TENT4B: variants seen among roughly 807,000 people sequenced by gnomAD.
The protein encoded by TENT4B is PAP associated domain containing 5.
TENT4B carries 10 observed loss-of-function variants against 75.0 expected under a neutral mutation model. The ratio of observed to expected loss-of-function variants is 0.13; its 90% CI spans 0.08 to 0.23. The LOEUF is 0.23. Among genes scored for constraint, TENT4B ranks in the 10% least tolerant of loss-of-function variants. The pLI is 1.00. For synonymous variants in TENT4B, 350 were observed against 357.7 expected (o/e 0.98, Z 0.24); for missense variants, 579 against 893.8 (o/e 0.65, Z 4.49).
intron 2 of TENT4B, among the ~76,000 whole-genome samples, chr16:50,212,654 C>G (rs1195552651): frequency 6.6e-6 from 1 of 152,056 alleles, no homozygotes; most frequent in Non-Finnish European, 1.5e-5. Flanking sequence ...GAGCAATGAC[C>G]ATACATCGCA....
intron 1 of TENT4B, among the ~76,000 whole-genome samples, chr16:50,187,000 A>G (rs567493280): frequency 4.6e-5 from 7 of 152,160 alleles, no homozygotes; most frequent in East Asian, 1.9e-4. Context: ...GCTTCAAGCA[A>G]TCCTCCTACC....
At chr16:50,205,144 C>T (rs907889935) in intron 1 of TENT4B, among the ~76,000 whole-genome samples, 24 of 152,136 alleles carry the variant, frequency 1.6e-4, no homozygotes, top group Non-Finnish European at 2.8e-4. Context: ...AAATGACCCC[C>T]CCAGTCCCTC....
In TENT4B at chr16:50,232,807, GA is replaced by G; in HGVS notation, c.*3480del. On this transcript the variant is annotated 3_prime_UTR_variant, in exon 12 of 12. Coordinates refer to ENST00000561678, the MANE Select transcript of TENT4B (RefSeq NM_001365324.3). Reference sequence around the variant, plus strand: ...TACATCTCAGTTTTACTTTAATATTGATCTATAGTTTGATCAGTTCCTTGAA... The same window carrying G: ...TACATCTCAGTTTTACTTTAATATTGTCTATAGTTTGATCAGTTCCTTGAA... The G allele has an allele frequency of 1.0e-6, 1 of 985,226 alleles. No homozygotes were observed. Among genetic ancestry groups the G allele is most frequent in the Non-Finnish European group, 1.2e-6 (1 of 829,808 alleles). The allele number at this position is 985,226 out of a possible 1,614,324, so 61.0% of individuals were successfully genotyped here.
chr16:50,176,397 G>A (rs2038309931), intron 1 of TENT4B, among the ~76,000 whole-genome samples: 1 of 144,196 alleles, frequency 6.9e-6, no homozygotes, highest in Admixed American at 7.0e-5. Flanking sequence ...CAATTTATTT[G>A]TAATCCAAGT....
Position 50,229,782 on chromosome 16 carries a change from T to G in TENT4B, c.*454T>G, listed in dbSNP as rs1323888883. On this transcript the variant is annotated 3_prime_UTR_variant, in exon 12 of 12. Coordinates refer to ENST00000561678, the MANE Select transcript of TENT4B (RefSeq NM_001365324.3). ...CAAAGGGGAAAGTGATCTGTGCATG[T>G]TTTTTTTTTAAATATTTTTGCATAT... 2 of 910,446 alleles carry G rather than the reference T, an allele frequency of 2.2e-6. No homozygotes were observed. The highest frequency in any genetic ancestry group is 2.6e-6 in the Non-Finnish European group (2 of 763,246). The allele number at this position is 910,446 out of a possible 1,614,324, so 56.4% of individuals were successfully genotyped here. A position where few individuals can be genotyped will look rare whatever the true frequency, so the allele number is the denominator to read the frequency against.
intron 5 of TENT4B, among the ~76,000 whole-genome samples, chr16:50,221,768 T>C (rs1223289690): frequency 2.8e-5 from 4 of 144,818 alleles, no homozygotes; most frequent in African/African-American, 1.0e-4. Context: ...TAGCAAGTAC[T>C]TTTTTTTTTT....
intron 10 of TENT4B, among the ~76,000 whole-genome samples, chr16:50,227,562 A>T (rs2032111257): frequency 6.6e-6 from 1 of 152,200 alleles, no homozygotes; most frequent in South Asian, 2.1e-4. Context: ...ATTTTCTATA[A>T]ATAAAAAAAC....
chr16:50,208,174 C>T (rs1039459918), intron 1 of TENT4B, among the ~76,000 whole-genome samples: 6 of 152,082 alleles, frequency 3.9e-5, no homozygotes, highest in African/African-American at 1.4e-4. Flanking sequence ...TTCTGTATTC[C>T]TCTTTTCTCC....
rs1335088722 is a variant in TENT4B, at chr16:50,233,633, G to A, written c.*4305G>A. Reference sequence around the variant, plus strand: ...ACCTAGAATTAAATATTTGAGGACAGTTTTTAGTTAATAAACTGCTAATGT... The same window carrying A: ...ACCTAGAATTAAATATTTGAGGACAATTTTTAGTTAATAAACTGCTAATGT... On this transcript the variant is annotated 3_prime_UTR_variant, in exon 12 of 12. Transcript: ENST00000561678. 1 of 983,800 alleles carries A rather than the reference G, an allele frequency of 1.0e-6. No individual in the cohort carries two copies. The allele number at this position is 983,800 out of a possible 1,614,324, so 60.9% of individuals were successfully genotyped here. A position where few individuals can be genotyped will look rare whatever the true frequency, so the allele number is the denominator to read the frequency against.
At chr16:50,202,559 TAATC>T (rs2030716266) in intron 1 of TENT4B, among the ~76,000 whole-genome samples, 1 of 152,240 alleles carries the variant, frequency 6.6e-6, no homozygotes. Context: ...ATACATTTAT[TAATC>T]AAGCTTTAGT....
chr16:50,175,267 T>G (rs1212415506), intron 1 of TENT4B, among the ~76,000 whole-genome samples: 9 of 152,188 alleles, frequency 5.9e-5, no homozygotes, highest in Admixed American at 5.9e-4. Context: ...TAGTGTCTTT[T>G]GCAGAGCACA....
At position 50,230,959 on chromosome 16, in the gene TENT4B, C is replaced by A; in HGVS notation, c.*1631C>A. 1.0e-6 allele frequency: 1 copy of A among 979,736 alleles called. No individual in the cohort carries two copies. The highest frequency in any genetic ancestry group is 1.2e-6 in the Non-Finnish European group (1 of 824,554). 60.7% of individuals were successfully genotyped at this position (979,736 alleles called of 1,614,324 possible). On this transcript the variant is annotated 3_prime_UTR_variant, in exon 12 of 12. Coordinates refer to ENST00000561678, the MANE Select transcript of TENT4B (RefSeq NM_001365324.3). Reference sequence around the variant, plus strand: ...AAGTACTATTGGCTTTTAGGAGTTTCTTTTATATACATTTATGAAATACTG... The same window carrying A: ...AAGTACTATTGGCTTTTAGGAGTTTATTTTATATACATTTATGAAATACTG...
chr16:50,181,228 C>T (rs983279733), intron 1 of TENT4B, among the ~76,000 whole-genome samples: 1 of 151,994 alleles, frequency 6.6e-6, no homozygotes, highest in African/African-American at 2.4e-5. Flanking sequence ...GTTGGAGAGT[C>T]ACAAAGGAGG....
At position 50,190,713 on chromosome 16, in the gene TENT4B, G is replaced by A. The variant is rs182242580; in HGVS notation, c.639-20610G>A. Among the ~76,000 whole-genome samples, 94 of 152,094 alleles carry A rather than the reference G, an allele frequency of 6.2e-4. 2 individuals carry two copies. The highest frequency in any genetic ancestry group is 2.0e-3 in the African/African-American group (83 of 41,388). ...AAAACATTATAGTAGAATACATATA[G>A]CATACAATTTACTATCTTAACCATT... is the stretch of plus-strand genomic sequence containing the variant. On this transcript the variant is annotated intron_variant, in intron 1 of 11. Transcript: ENST00000561678.
chr16:50,229,706 A>G lies in TENT4B; in HGVS notation c.*378A>G. 1.0e-6 allele frequency: 1 copy of G among 992,638 alleles called. No homozygotes were observed. Among genetic ancestry groups the G allele is most frequent in the Non-Finnish European group, 1.2e-6 (1 of 834,680 alleles). 61.5% of individuals were successfully genotyped at this position (992,638 alleles called of 1,614,324 possible). On this transcript the variant is annotated 3_prime_UTR_variant, in exon 12 of 12. Coordinates refer to ENST00000561678, the MANE Select transcript of TENT4B (RefSeq NM_001365324.3). ...TGATAGAAACAAAAAACAGTATCAG[A>G]GGATGAGGTGGGGAAGGAAAACAAA...
Position 50,231,820 on chromosome 16 carries a change from C to A in TENT4B, c.*2492C>A. ...TTTTCAATCTGAAGTAAAATACTTT[C>A]AAGAACTTTTAGTTTGCCTGCTCAT... is the stretch of plus-strand genomic sequence containing the variant. On this transcript the variant is annotated 3_prime_UTR_variant, in exon 12 of 12. Transcript: ENST00000561678. 1.0e-6 allele frequency: 1 copy of A among 985,202 alleles called. No homozygotes were observed. Among genetic ancestry groups the A allele is most frequent in the African/African-American group, 1.7e-5 (1 of 57,318 alleles). The allele number at this position is 985,202 out of a possible 1,614,324, so 61.0% of individuals were successfully genotyped here.
In TENT4B at chr16:50,233,145, G is replaced by C; in HGVS notation, c.*3817G>C. The C allele has an allele frequency of 1.0e-6, 1 of 983,052 alleles. No homozygotes were observed. Among genetic ancestry groups the C allele is most frequent in the Non-Finnish European group, 1.2e-6 (1 of 827,808 alleles). 60.9% of individuals were successfully genotyped at this position (983,052 alleles called of 1,614,324 possible). A position where few individuals can be genotyped will look rare whatever the true frequency, so the allele number is the denominator to read the frequency against. ...AAAGTTATATTTAGTAGTTACTGTTGATAGTAATTTTCATCAGGGTCATAG... is the reference window on the plus strand; with the variant it reads ...AAAGTTATATTTAGTAGTTACTGTTCATAGTAATTTTCATCAGGGTCATAG... On this transcript the variant is annotated 3_prime_UTR_variant, in exon 12 of 12. Transcript: ENST00000561678.
intron 1 of TENT4B, among the ~76,000 whole-genome samples, chr16:50,185,350 A>G (rs1186247687): frequency 6.6e-6 from 1 of 152,216 alleles, no homozygotes; most frequent in Non-Finnish European, 1.5e-5. Context: ...TACAAAGTAC[A>G]GGACCAATTA....
chr16:50,168,122 AAG>A (rs1491484900), intron 1 of TENT4B, among the ~76,000 whole-genome samples: 2,883 of 99,706 alleles, frequency 0.029, 32 homozygotes, highest in Admixed American at 0.044. Flanking sequence ...AAAAAAAAAA[AAG>A]AATGCAGAAG....
Sources: gnomAD v4.1 joint callset for allele counts (sites outside exome capture counted in the v4.1 genomes callset) on GRCh38, gnomAD v4.1.1 for gene constraint, MANE v1.5 for transcripts, NCBI Gene and HGNC (gene_info 2026-07-23, HGNC 2026-07-21) for gene names.